Variants in METTL23 observed in about 807,000 individuals in gnomAD.
METTL23 encodes the protein methyltransferase 23, arginine.
METTL23 carries 24 observed loss-of-function variants against 21.2 expected under a neutral mutation model. That is an observed-to-expected ratio of 1.13 (90% CI 0.82 to 1.59). METTL23 has a LOEUF of 1.59. Ranked by LOEUF, METTL23 falls within the 40% of genes most tolerant of loss-of-function variation. METTL23 has a pLI of 0.00. For synonymous variants in METTL23, 97 were observed against 75.2 expected, an observed-to-expected ratio of 1.29 and a Z score of -1.50; for missense variants, 276 against 221.4, an observed-to-expected ratio of 1.25 and a Z score of -1.57.
In METTL23 at chr17:76,733,637, G is replaced by T. The variant is rs2077344865; in HGVS notation, c.524G>T (p.Arg175Ile). ...EDIAESTLPGRHTVEMLVISF... is the reference protein window; with the variant it reads ...EDIAESTLPGIHTVEMLVISF... The stretch of plus-strand genomic sequence containing the variant: ...ATAGCAGAATCTACCCTTCCAGGAA[G>T]ACATACAGTTGAAATGCTGGTCATT... Residue 175 changes from arginine (R) to isoleucine (I), a missense_variant, in exon 5 of 5, where the codon AGA (arginine) becomes ATA (isoleucine). Coordinates refer to ENST00000341249, the MANE Select transcript of METTL23 (RefSeq NM_001080510.5). 6.2e-7 allele frequency: 1 copy of T among 1,613,712 alleles called. No homozygotes were observed. Among genetic ancestry groups the T allele is most frequent in the Non-Finnish European group, 8.5e-7 (1 of 1,179,874 alleles).
rs760706531 is a variant in METTL23 at position 76,733,361 on chromosome 17, A to G, written c.391A>G (p.Thr131Ala). The G allele has an allele frequency of 1.2e-4, 195 of 1,613,854 alleles. No individual in the cohort carries two copies. Among genetic ancestry groups the G allele is most frequent in the Non-Finnish European group, 1.6e-4 (187 of 1,179,878 alleles). The part of the protein sequence containing the change: ...HKNPKVQLWS[T>A]YQVRSADWSL... ...GAATCCCAAGGTCCAATTGTGGTCTACTTATCAAGTTAGGAGGCAAGTATG... is the reference window on the plus strand; with the variant it reads ...GAATCCCAAGGTCCAATTGTGGTCTGCTTATCAAGTTAGGAGGCAAGTATG... Residue 131 changes from threonine to alanine, a missense_variant, in exon 4 of 5, where the codon ACT becomes GCT. Thr to Ala is a moderately conservative substitution (Grantham distance 58). Transcript: ENST00000341249.
chr17:76,730,978 G>A (rs1479754325), intron 2 of METTL23, among the ~76,000 whole-genome samples: 6 of 152,202 alleles, frequency 3.9e-5, no homozygotes, highest in African/African-American at 1.4e-4. Context: ...GGTGGCGGGC[G>A]CCTGTAGTCC....
At chr17:76,733,429 C>G in intron 4 of METTL23, 52 bp downstream of exon 4, 1 of 1,598,852 alleles carries the variant, frequency 6.3e-7, no homozygotes, top group Admixed American at 1.7e-5. Flanking sequence ...CTTACTCTAC[C>G]CTACCCATGC....
At chr17:76,729,520 AAG>A (rs1364565816) in intron 1 of METTL23, among the ~76,000 whole-genome samples, 168 bp from the exon 2 acceptor site, 5 of 152,242 alleles carry the variant, frequency 3.3e-5, no homozygotes, top group African/African-American at 1.2e-4. Context: ...CAGTGCTATC[AAG>A]AGTTTCTATC....
chr17:76,729,869 G>T (rs1363824260), intron 2 of METTL23, 75 bp downstream of exon 2: 1 of 1,049,644 alleles, frequency 9.5e-7, no homozygotes, highest in Non-Finnish European at 1.4e-6. Flanking sequence ...TATATTGCTT[G>T]TTTTTAGCTT....
chr17:76,733,202 C>CT lies in METTL23; in HGVS notation c.312dup (p.Glu105Ter). On this transcript the variant is annotated frameshift_variant, in exon 3 of 5. Transcript: ENST00000341249. LOFTEE classifies it high-confidence loss of function. ...ATATTATCCTTGCATCTGATGTGTTCTTTGAACCAGAAGGTAAGCTTTTTT... is the reference window on the plus strand; with the variant it reads ...ATATTATCCTTGCATCTGATGTGTTCTTTTGAACCAGAAGGTAAGCTTTTTT... 1 of 1,613,684 alleles carries CT rather than the reference C, an allele frequency of 6.2e-7. No individual in the cohort carries two copies. The highest frequency in any genetic ancestry group is 1.1e-5 in the South Asian group (1 of 91,018).
rs1237336678 is a variant in METTL23 at position 76,730,690 on chromosome 17, G to A, written c.84+896G>A. Among the ~76,000 whole-genome samples the A allele has an allele frequency of 2.0e-4, 31 of 152,212 alleles. 1 individual carries two copies. Among genetic ancestry groups the A allele is most frequent in the Admixed American group, 2.0e-3 (31 of 15,282 alleles). On this transcript the variant is annotated intron_variant, in intron 2 of 4. Coordinates refer to ENST00000341249, the MANE Select transcript of METTL23 (RefSeq NM_001080510.5). Reference sequence around the variant, plus strand: ...ATAACAGAAATTTATGTCTCTTGCCGGGCGCTGTGGCCCATGCCTGTAATC... The same window carrying A: ...ATAACAGAAATTTATGTCTCTTGCCAGGCGCTGTGGCCCATGCCTGTAATC...
intron 2 of METTL23, chr17:76,732,648 A>C (rs2077264545): frequency 3.0e-6 from 1 of 333,614 alleles, no homozygotes; most frequent in East Asian, 7.1e-5. Context: ...GTCTCAAAAA[A>C]ATAAAACAAA....
chr17:76,732,733 A>T, intron 2 of METTL23: 1 of 553,250 alleles, frequency 1.8e-6, no homozygotes, highest in Non-Finnish European at 3.2e-6. Flanking sequence ...GCCAGTTACG[A>T]TACATGGCCC....
At chr17:76,728,975 TAGTGG>T (rs2077083144) in intron 1 of METTL23, among the ~76,000 whole-genome samples, 1 of 151,334 alleles carries the variant, frequency 6.6e-6, no homozygotes, top group Non-Finnish European at 1.5e-5. Flanking sequence ...TTTGTATTTT[TAGTGG>T]AGTAGAGACG....
chr17:76,729,129 T>C (rs557032612), intron 1 of METTL23, among the ~76,000 whole-genome samples: 2 of 140,944 alleles, frequency 1.4e-5, no homozygotes, highest in African/African-American at 5.3e-5. Context: ...CTCACTATGT[T>C]GCCCAGGCTG....
At position 76,729,741 on chromosome 17, in the gene METTL23, G is replaced by T. The variant is rs2077115921; in HGVS notation, c.31G>T (p.Ala11Ser). The T allele has an allele frequency of 8.1e-6, 13 of 1,599,846 alleles. No homozygotes were observed. The highest frequency in any genetic ancestry group is 1.1e-5 in the Non-Finnish European group (13 of 1,172,126). The stretch of plus-strand genomic sequence containing the variant: ...TGTTTGGCCCTGTGCTGTGGTCCTG[G>T]CCCAGTACCTTTGGTTTCACAGAAG... MYVWPCAVVL[A>S]QYLWFHRRSL... is the part of the protein sequence containing the mutation. The change falls in exon 2 of 5, where the codon GCC becomes TCC. Residue 11 changes from alanine to serine, a missense_variant. Coordinates refer to ENST00000341249, the MANE Select transcript of METTL23 (RefSeq NM_001080510.5).
At position 76,732,947 on chromosome 17, in the gene METTL23, T is replaced by C. The variant is rs573969717; in HGVS notation, c.85-31T>C. The C allele has an allele frequency of 5.3e-6, 8 of 1,516,954 alleles. No individual in the cohort carries two copies. The African/African-American group carries it at 5.5e-5, about 10-fold the overall frequency. The allele number at this position is 1,516,954 out of a possible 1,614,324, so 94.0% of individuals were successfully genotyped here. A position where few individuals can be genotyped will look rare whatever the true frequency, so the allele number is the denominator to read the frequency against. On this transcript the variant is annotated intron_variant, in intron 2 of 4. Coordinates refer to ENST00000341249, the MANE Select transcript of METTL23 (RefSeq NM_001080510.5). ...CAATTATTTGCAGTTCCAAGTATAATTGTGAAATGCCATCTTTCATAACTT... is the reference window on the plus strand; with the variant it reads ...CAATTATTTGCAGTTCCAAGTATAACTGTGAAATGCCATCTTTCATAACTT...
At chr17:76,730,368 C>T (rs573344291) in intron 2 of METTL23, among the ~76,000 whole-genome samples, 2 of 151,800 alleles carry the variant, frequency 1.3e-5, no homozygotes, top group South Asian at 2.1e-4. Flanking sequence ...TTTGGAAGGT[C>T]GAGGTGGGAA....
intron 2 of METTL23, chr17:76,732,759 G>T (rs536577793): frequency 1.2e-5 from 7 of 581,316 alleles, no homozygotes; most frequent in African/African-American, 3.7e-5. Flanking sequence ...TATTGAAATT[G>T]AAGGTTAAGC....
At chr17:76,726,423 GGCCGCGCACTC>G, upstream of METTL23, 1 of 1,603,750 alleles carries the variant, frequency 6.2e-7, no homozygotes, top group Non-Finnish European at 8.5e-7. Flanking sequence ...CTTGAGCTCC[GGCCGCGCACTC>G]CGCTTGGCCT....
chr17:76,726,829 T>C (rs766716274), upstream of METTL23: 1 of 374,344 alleles, frequency 2.7e-6, no homozygotes, highest in Non-Finnish European at 5.2e-6. Flanking sequence ...GCGCTGCCGC[T>C]GTGCCCATCA....
intron 2 of METTL23, among the ~76,000 whole-genome samples, chr17:76,731,838 G>C (rs8066239): frequency 0.023 from 3,570 of 152,170 alleles, 131 homozygotes; most frequent in African/African-American, 0.08. Context: ...GTAATTGCTG[G>C]GCACTCACAA....
Position 76,733,125 on chromosome 17 carries a change from G to T in METTL23, c.232G>T (p.Gly78Ter), listed in dbSNP as rs763554577. The change falls in exon 3 of 5, where the codon GGA (glycine) becomes TGA (stop). Residue 78 changes from glycine (G) to a stop codon, truncating the protein, a stop_gained. Transcript: ENST00000341249. LOFTEE classifies it high-confidence loss of function. Reference sequence around the variant, plus strand: ...TAACCTGCCACATCTGCAGGTGGTAGGACTAACATGGGGTCATATATCTTG... The same window carrying T: ...TAACCTGCCACATCTGCAGGTGGTATGACTAACATGGGGTCATATATCTTG... ...MNNLPHLQVV[G>*]LTWGHISWDL... The T allele has an allele frequency of 1.2e-6, 2 of 1,613,602 alleles. No homozygotes were observed. The highest frequency in any genetic ancestry group is 1.7e-6 in the Non-Finnish European group (2 of 1,179,820).
Sources: gnomAD v4.1 joint callset for allele counts (sites outside exome capture counted in the v4.1 genomes callset) on GRCh38, gnomAD v4.1.1 for gene constraint, MANE v1.5 for transcripts, NCBI Gene and HGNC (gene_info 2026-07-23, HGNC 2026-07-21) for gene names.